KCNIP1: variants seen among roughly 807,000 people sequenced by gnomAD.
The protein encoded by KCNIP1 is potassium voltage-gated channel interacting protein 1, also known as A-type potassium channel modulatory protein KCNIP1.
A neutral mutation model predicts 33.0 loss-of-function variants in KCNIP1; 18 were observed. The observed-to-expected ratio is 0.55, with a 90% CI of 0.38 to 0.81. The LOEUF (loss-of-function observed/expected upper bound fraction) is 0.81. Among genes scored for constraint, KCNIP1 ranks in the 30% least tolerant of loss-of-function variants. The probability of loss-of-function intolerance (pLI) is 0.00; values close to 1 mark genes in which losing one functional copy is unlikely to be tolerated. For missense variants in KCNIP1, 238 were observed against 271.6 expected (o/e 0.88, Z 0.87); for synonymous variants, 93 against 98.3 (o/e 0.95, Z 0.32).
At chr5:170,543,941 G>T (rs1156373430) in intron 1 of KCNIP1, among the ~76,000 whole-genome samples, 1 of 152,130 alleles carries the variant, frequency 6.6e-6, no homozygotes, top group Admixed American at 6.5e-5. Flanking sequence ...AATAGATCTA[G>T]GTTAAATGAG....
intron 1 of KCNIP1, among the ~76,000 whole-genome samples, chr5:170,369,392 C>G (rs1461944190): frequency 6.6e-6 from 1 of 152,178 alleles, no homozygotes; most frequent in Non-Finnish European, 1.5e-5. Context: ...AATTTATTAA[C>G]CGTGACTCTA....
intron 1 of KCNIP1, among the ~76,000 whole-genome samples, chr5:170,545,266 A>G (rs550512009): frequency 7.2e-5 from 11 of 152,256 alleles, no homozygotes; most frequent in Admixed American, 6.5e-4. Context: ...CTTGAAGGTA[A>G]TGTCTTTTTT....
chr5:170,735,799 T>C lies in KCNIP1; in HGVS notation c.644T>C (p.Val215Ala). 6.2e-7 allele frequency: 1 copy of C among 1,613,980 alleles called. No individual in the cohort carries two copies. The highest frequency in any genetic ancestry group is 1.1e-5 in the South Asian group (1 of 91,070). Residue 215 changes from valine (V) to alanine (A), a missense_variant, in exon 8 of 8, where the codon GTC becomes GCC. Coordinates refer to ENST00000328939, the MANE Select transcript of KCNIP1 (RefSeq NM_014592.4). ...AGGTCTCTCCAGCTGTTTCAAAATG[T>C]CATGTAACTGGTGACACTCAGCCAT... ...IMRSLQLFQN[V>A]M is the part of the protein sequence containing the mutation.
Position 170,720,306 on chromosome 5 carries a change from C to A in KCNIP1, c.187-15C>A. The A allele has an allele frequency of 6.2e-7, 1 of 1,609,698 alleles. No homozygotes were observed. The highest frequency in any genetic ancestry group is 8.5e-7 in the Non-Finnish European group (1 of 1,176,034). On this transcript the variant is annotated splice_polypyrimidine_tract_variant and intron_variant, in intron 2 of 7. Coordinates refer to ENST00000328939, the MANE Select transcript of KCNIP1 (RefSeq NM_014592.4). ...CCCTCAAATGCCTCCCGCTGACTCT[C>A]TCCCCTTCCCACAGGAGTGCCCCAG...
intron 1 of KCNIP1, among the ~76,000 whole-genome samples, chr5:170,637,330 C>T (rs370982759): frequency 6.8e-4 from 104 of 152,220 alleles, no homozygotes; most frequent in Non-Finnish European, 1.1e-3. Flanking sequence ...AAATGACCAC[C>T]GCACCCCTCC....
At chr5:170,456,414 C>T (rs1756375758) in intron 1 of KCNIP1, among the ~76,000 whole-genome samples, 1 of 152,038 alleles carries the variant, frequency 6.6e-6, no homozygotes, top group Non-Finnish European at 1.5e-5. Context: ...CACCATGGCA[C>T]ATGTATACCT....
intron 1 of KCNIP1, among the ~76,000 whole-genome samples, chr5:170,427,232 G>A (rs1284446380): frequency 6.6e-6 from 1 of 152,216 alleles, no homozygotes; most frequent in Non-Finnish European, 1.5e-5. Flanking sequence ...CAAGCCAGCT[G>A]TTTCTGGTGC....
rs537858085 is a variant in KCNIP1 at position 170,536,143 on chromosome 5, G to A, written c.61+31510G>A. Among the ~76,000 whole-genome samples, 30 of 152,324 alleles carry A rather than the reference G, an allele frequency of 2.0e-4. No homozygotes were observed. In the South Asian group the frequency reaches 5.6e-3, roughly 28 times the overall value. On this transcript the variant is annotated intron_variant, in intron 1 of 7. Coordinates refer to ENST00000328939, the MANE Select transcript of KCNIP1 (RefSeq NM_014592.4). The stretch of plus-strand genomic sequence containing the variant: ...AAACAAAGCCATCAATGGAGATGAC[G>A]AAACCCAGAGAGCAGCAGTGCCTTG...
intron 1 of KCNIP1, among the ~76,000 whole-genome samples, chr5:170,566,712 G>C (rs952944287): frequency 6.6e-5 from 10 of 152,198 alleles, no homozygotes; most frequent in Admixed American, 3.3e-4. Context: ...AAGCCAAGGA[G>C]GGGGAGGATG....
chr5:170,708,201 C>T (rs1373990505), intron 1 of KCNIP1, among the ~76,000 whole-genome samples: 1 of 152,074 alleles, frequency 6.6e-6, no homozygotes, highest in Non-Finnish European at 1.5e-5. Flanking sequence ...GGATTTTTGC[C>T]CCTAATTATA....
intron 1 of KCNIP1, among the ~76,000 whole-genome samples, chr5:170,472,889 CAT>C (rs1376273263): frequency 3.9e-5 from 6 of 152,308 alleles, no homozygotes; most frequent in East Asian, 1.9e-4. Context: ...CTGCTATAAA[CAT>C]GTGTGTGCAA....
chr5:170,374,589 G>A (rs1462255012), intron 1 of KCNIP1: 1 of 152,168 alleles, frequency 6.6e-6, no homozygotes, highest in African/African-American at 2.4e-5. Flanking sequence ...CGGCACATGG[G>A]AGAACCATCC....
In KCNIP1 at chr5:170,667,051, C is replaced by A. The variant is rs527470024; in HGVS notation, c.62-51707C>A. On this transcript the variant is annotated intron_variant, in intron 1 of 7. Transcript: ENST00000328939. Reference sequence around the variant, plus strand: ...ACTGTCGGCTGGGCGTGGTGGCTCACGCCTATAATCCCAACACTTTGAGAG... The same window carrying A: ...ACTGTCGGCTGGGCGTGGTGGCTCAAGCCTATAATCCCAACACTTTGAGAG... Among the ~76,000 whole-genome samples the A allele has an allele frequency of 9.8e-5, 15 of 152,342 alleles. No individual in the cohort carries two copies. In the South Asian group the frequency reaches 3.1e-3, roughly 32 times the overall value.
chr5:170,601,845 G>C (rs897455320), intron 1 of KCNIP1, among the ~76,000 whole-genome samples: 2 of 152,200 alleles, frequency 1.3e-5, no homozygotes, highest in African/African-American at 2.4e-5. Flanking sequence ...ACGTCGAGCA[G>C]GGGCCTTTGA....
intron 1 of KCNIP1, among the ~76,000 whole-genome samples, chr5:170,595,872 A>G (rs557177511): frequency 2.0e-5 from 3 of 152,164 alleles, no homozygotes; most frequent in Non-Finnish European, 4.4e-5. Flanking sequence ...TCATGGTTTT[A>G]GACAATATGT....
intron 1 of KCNIP1, among the ~76,000 whole-genome samples, chr5:170,442,305 G>A (rs557292108): frequency 2.0e-5 from 3 of 152,258 alleles, no homozygotes; most frequent in African/African-American, 4.8e-5. Flanking sequence ...AGAGGTCATC[G>A]GGGCCAGATC....
chr5:170,653,103 A>G (rs756237953), intron 1 of KCNIP1, among the ~76,000 whole-genome samples: 110 of 152,230 alleles, frequency 7.2e-4, no homozygotes, highest in Non-Finnish European at 1.4e-3. Flanking sequence ...GGAAAGGAGT[A>G]GGGGACCAGT....
chr5:170,722,549 C>T (rs896287168), intron 4 of KCNIP1, among the ~76,000 whole-genome samples, 164 bp from the exon 5 acceptor site: 12 of 151,834 alleles, frequency 7.9e-5, no homozygotes, highest in Non-Finnish European at 1.6e-4. Flanking sequence ...GGGTAGGGAA[C>T]TGAAGGCAGG....
At chr5:170,478,366 G>A (rs1756901978) in intron 1 of KCNIP1, among the ~76,000 whole-genome samples, 1 of 152,188 alleles carries the variant, frequency 6.6e-6, no homozygotes, top group African/African-American at 2.4e-5. Context: ...TCTTTTAATG[G>A]ACTGAGAGAC....
Sources: allele counts gnomAD v4.1 joint callset (sites outside exome capture counted in the v4.1 genomes callset), GRCh38; gene constraint gnomAD v4.1.1; transcripts MANE v1.5; gene names NCBI Gene and HGNC (gene_info 2026-07-23, HGNC 2026-07-21).